Variants in ACACB observed in about 807,000 individuals in gnomAD.
The protein encoded by ACACB is acetyl-CoA carboxylase 2.
Under a neutral mutation model 278.8 loss-of-function variants are expected in ACACB, and 209 were observed. That is an observed-to-expected ratio of 0.75 (90% confidence interval 0.67 to 0.84). ACACB has a LOEUF of 0.84. Among genes scored for constraint, ACACB ranks in the 40% least tolerant of loss-of-function variants. The probability of loss-of-function intolerance (pLI) is 0.00; values close to 1 mark genes in which losing one functional copy is unlikely to be tolerated. For synonymous variants in ACACB, 1,174 were observed against 1,285.6 expected (o/e 0.91, Z 1.86); for missense variants, 2,850 against 3,269.0 (o/e 0.87, Z 3.13).
At chr12:109,187,964 T>C (rs765969833) in intron 12 of ACACB, 35 bp from the exon 13 acceptor site, 1 of 1,577,792 alleles carries the variant, frequency 6.3e-7, no homozygotes, top group South Asian at 1.1e-5. Context: ...GGAGTAATGA[T>C]TTCTTCCATT....
At chr12:109,172,774 C>G (rs1472095840) in intron 6 of ACACB, among the ~76,000 whole-genome samples, 1 of 152,082 alleles carries the variant, frequency 6.6e-6, no homozygotes, top group Non-Finnish European at 1.5e-5. Flanking sequence ...CTCAAAGAGC[C>G]AAAAATAGAA....
At chr12:109,210,847 G>A (rs56211810) in intron 21 of ACACB, among the ~76,000 whole-genome samples, 9,918 of 151,048 alleles carry the variant, frequency 0.066, 783 homozygotes, top group African/African-American at 0.19. Flanking sequence ...CCAGGAGGTG[G>A]AGGTTGCAGT....
chr12:109,237,550 G>A (rs2046667032), intron 34 of ACACB, among the ~76,000 whole-genome samples, 170 bp downstream of exon 34: 1 of 152,130 alleles, frequency 6.6e-6, no homozygotes, highest in Admixed American at 6.5e-5. Context: ...ACAGCAAAGT[G>A]GCCTGTGATC....
Position 109,246,446 on chromosome 12 carries a change from A to G in ACACB, c.5569A>G (p.Lys1857Glu), listed in dbSNP as rs919136966. 3.1e-6 allele frequency: 5 copies of G among 1,608,634 alleles called. No homozygotes were observed. The highest frequency in any genetic ancestry group is 4.3e-6 in the Non-Finnish European group (5 of 1,175,518). Residue 1857 changes from lysine (K) to glutamate (E), a missense_variant and splice_region_variant, in exon 39 of 53, where the codon AAA becomes GAA. By Grantham distance (56) the Lys-to-Glu change is moderately conservative. This residue lies in a region of ACACB where 2,265 missense variants were observed against 2,561.3 expected (regional missense o/e 0.88). Coordinates refer to ENST00000338432, the MANE Select transcript of ACACB (RefSeq NM_001093.4). ...TTGGGTGGACCCAGAAGACCCCCAC[A>G]AAGTACGTCGTGAAACTGGCGGGGC... ...VAWVDPEDPH[K>E]GFKYLYLTPQ...
chr12:109,216,689 A>G lies in ACACB; in HGVS notation c.3422A>G (p.Glu1141Gly), dbSNP rs1198693226. The change falls in exon 23 of 53, where the codon GAG (glutamate) becomes GGG (glycine). Residue 1141 changes from glutamate to glycine, a missense_variant. Physicochemically the swap from Glu to Gly is moderately conservative, Grantham distance 98. This residue lies in a region of ACACB where 2,265 missense variants were observed against 2,561.3 expected (regional missense o/e 0.88). Coordinates refer to ENST00000338432, the MANE Select transcript of ACACB (RefSeq NM_001093.4). Reference protein sequence around the residue: ...LDLLRRYLRVEHHFQQAHYDK... With the variant: ...LDLLRRYLRVGHHFQQAHYDK... ...CTCCTGAGAAGATACTTGCGTGTTG[A>G]GCACCATTTTCAGCAAGGCAAGAGA... 1 of 1,614,188 alleles carries G rather than the reference A, an allele frequency of 6.2e-7. No individual in the cohort carries two copies. The highest frequency in any genetic ancestry group is 8.5e-7 in the Non-Finnish European group (1 of 1,180,032).
In ACACB at chr12:109,125,458, GA is replaced by G. The variant is rs563250673; in HGVS notation, c.-10+8756del. 5 of 152,316 alleles carry G rather than the reference GA, an allele frequency of 3.3e-5. No homozygotes were observed. In the South Asian group the frequency reaches 1.0e-3, roughly 32 times the overall value. The allele number at this position is 152,316 out of a possible 1,614,324, so 9.4% of individuals were successfully genotyped here. On this transcript the variant is annotated intron_variant, in intron 1 of 52. Transcript: ENST00000338432. ...AATCTGGACACTAACGATGTCTGTG[GA>G]ATTTTTACAAGATCGCCTTGGCTTC...
At chr12:109,193,825 T>TGA in intron 16 of ACACB, 96 bp downstream of exon 16, 1 of 1,104,654 alleles carries the variant, frequency 9.1e-7, no homozygotes, top group Non-Finnish European at 1.3e-6. Context: ...GATTTGCTCA[T>TGA]GCTTGGGTTT....
chr12:109,175,305 G>A (rs180801845), intron 7 of ACACB, among the ~76,000 whole-genome samples: 3 of 152,056 alleles, frequency 2.0e-5, no homozygotes, highest in African/African-American at 4.8e-5. Context: ...GCATGGTGTT[G>A]GGAAATAATT....
intron 4 of ACACB, among the ~76,000 whole-genome samples, chr12:109,168,978 A>G (rs556228441): frequency 6.6e-6 from 1 of 152,082 alleles, no homozygotes; most frequent in South Asian, 2.1e-4. Context: ...CATCTCTACT[A>G]AAAATACCTC....
intron 1 of ACACB, among the ~76,000 whole-genome samples, chr12:109,123,302 T>C (rs1328912380): frequency 6.6e-6 from 1 of 152,180 alleles, no homozygotes; most frequent in Non-Finnish European, 1.5e-5. Flanking sequence ...AAATTGCAGA[T>C]ATCAGTGTCT....
At chr12:109,217,429 G>A (rs1446532952) in intron 24 of ACACB, among the ~76,000 whole-genome samples, 2 of 152,174 alleles carry the variant, frequency 1.3e-5, no homozygotes, top group Non-Finnish European at 2.9e-5. Flanking sequence ...TTTGTTGGGA[G>A]CCCGAGGTGG....
intron 13 of ACACB, 55 bp downstream of exon 13, chr12:109,188,217 CCTTCCT>C: frequency 7.0e-7 from 1 of 1,438,052 alleles, no homozygotes; most frequent in East Asian, 2.4e-5. Flanking sequence ...TTCCTTCCTT[CCTTCCT>C]TCCTTCCTTC....
At chr12:109,138,971 T>C (rs1349916531) in intron 1 of ACACB, among the ~76,000 whole-genome samples, 1 of 152,144 alleles carries the variant, frequency 6.6e-6, no homozygotes, top group Non-Finnish European at 1.5e-5. Flanking sequence ...TGTACAACCA[T>C]CACCTCAATC....
At chr12:109,235,888 A>T (rs370803223) in intron 33 of ACACB, 16 of 456,004 alleles carry the variant, frequency 3.5e-5, no homozygotes, top group Admixed American at 2.0e-4. Context: ...GGTCCCAGCT[A>T]CTTGGGAGGC....
intron 50 of ACACB, 56 bp downstream of exon 50, chr12:109,264,442 A>ATT: frequency 8.4e-7 from 1 of 1,185,524 alleles, no homozygotes; most frequent in Non-Finnish European, 1.2e-6. Flanking sequence ...TTTCCAAAAC[A>ATT]TGGAGGACAT....
At chr12:109,132,924 C>T (rs537878296) in intron 1 of ACACB, among the ~76,000 whole-genome samples, 8 of 152,212 alleles carry the variant, frequency 5.3e-5, no homozygotes, top group African/African-American at 1.7e-4. Context: ...TCAGAGCCTC[C>T]GCTGTACAAC....
At chr12:109,247,547 A>C (rs923535830) in intron 39 of ACACB, 59 bp from the exon 40 acceptor site, 14 of 1,304,488 alleles carry the variant, frequency 1.1e-5, no homozygotes, top group African/African-American at 1.5e-5. Context: ...AAGAAAAAAA[A>C]AACAGTGGCT....
chr12:109,264,836 C>T (rs952575489), intron 50 of ACACB, among the ~76,000 whole-genome samples: 7 of 152,192 alleles, frequency 4.6e-5, no homozygotes, highest in Admixed American at 3.3e-4. Context: ...ATGCCTCACA[C>T]GAGCCTGTGT....
In ACACB at chr12:109,233,973, G is replaced by A; in HGVS notation, c.4275G>A (p.Val1425=). 1 of 1,614,138 alleles carries A rather than the reference G, an allele frequency of 6.2e-7. No homozygotes were observed. The highest frequency in any genetic ancestry group is 8.5e-7 in the Non-Finnish European group (1 of 1,180,026). ...LREEPIHILN[V]SIQCADHLED... The stretch of plus-strand genomic sequence containing the variant: ...AAGAGCCCATCCACATTCTGAATGT[G>A]TCCATCCAGTGTGCAGACCACCTGG... The change falls in exon 31 of 53, where the codon GTG becomes GTA. Residue 1425 remains valine (V), a synonymous_variant. Transcript: ENST00000338432.
Sources: allele counts gnomAD v4.1 joint callset (sites outside exome capture counted in the v4.1 genomes callset), GRCh38; gene constraint gnomAD v4.1.1; regional missense constraint gnomAD v4.1.1; transcripts MANE v1.5; gene names NCBI Gene and HGNC (gene_info 2026-07-23, HGNC 2026-07-21).